Variants in SLC9A4 observed in about 807,000 individuals in gnomAD.
SLC9A4 encodes sodium/hydrogen exchanger 4.
In SLC9A4, 63 loss-of-function variants were observed where a neutral mutation model predicts 67.4. The observed-to-expected ratio is 0.93, with a 90% CI of 0.76 to 1.15. The LOEUF is 1.15. Among genes scored for constraint, SLC9A4 ranks in the 50% most tolerant of loss-of-function variants. SLC9A4 has a pLI of 0.00. For missense variants in SLC9A4, 1,089 were observed against 987.7 expected, an observed-to-expected ratio of 1.10 and a Z score of -1.38; for synonymous variants, 393 against 367.2, an observed-to-expected ratio of 1.07 and a Z score of -0.80.
chr2:102,531,062 C>CTTT lies in SLC9A4; in HGVS notation c.2039-1252_2039-1250dup, dbSNP rs5833023. 2.0e-3 allele frequency among the ~76,000 whole-genome samples: 236 copies of CTTT among 116,250 alleles called. 10 individuals carry two copies. Among genetic ancestry groups the CTTT allele is most frequent in the African/African-American group, 3.2e-3 (96 of 30,012 alleles). 76.3% of individuals were successfully genotyped at this position (116,250 alleles called of 152,430 possible). A position where few individuals can be genotyped will look rare whatever the true frequency, so the allele number is the denominator to read the frequency against. ...GATTTAAATATAAAATACCTAAATT[C>CTTT]TTTTTTTTTTTTTTTTTTGAGACGG... On this transcript the variant is annotated intron_variant, in intron 11 of 11. Transcript: ENST00000295269.
At chr2:102,526,376 T>G in intron 11 of SLC9A4, 30 bp downstream of exon 11, 1 of 1,604,192 alleles carries the variant, frequency 6.2e-7, no homozygotes, top group Non-Finnish European at 8.5e-7. Flanking sequence ...GCTCTGCTGC[T>G]TTTCTGTAGA....
intron 2 of SLC9A4, among the ~76,000 whole-genome samples, chr2:102,498,147 G>GACAC (rs1470535170): frequency 6.6e-6 from 1 of 152,152 alleles, no homozygotes; most frequent in African/African-American, 2.4e-5. Context: ...GTGTATAAAA[G>GACAC]ACACACACAC....
intron 1 of SLC9A4, 140 bp from the exon 2 acceptor site, chr2:102,478,699 A>G (rs1022170656): frequency 6.5e-6 from 5 of 769,008 alleles, no homozygotes; most frequent in Non-Finnish European, 8.2e-6. Flanking sequence ...TGACACTACC[A>G]GTTCCTGCTA....
chr2:102,502,846 G>A (rs1261019680), intron 2 of SLC9A4, among the ~76,000 whole-genome samples: 5 of 152,358 alleles, frequency 3.3e-5, no homozygotes, highest in Middle Eastern at 3.4e-3. Flanking sequence ...GTGGAGCCCT[G>A]GGCCACAGAC....
chr2:102,512,005 C>G (rs1440260646), intron 6 of SLC9A4, among the ~76,000 whole-genome samples, 198 bp from the exon 7 acceptor site: 1 of 152,108 alleles, frequency 6.6e-6, no homozygotes, highest in East Asian at 1.9e-4. Context: ...TCTACAGAGT[C>G]TTTAAACCAA....
intron 1 of SLC9A4, 58 bp from the exon 2 acceptor site, chr2:102,478,781 C>A: frequency 1.3e-6 from 2 of 1,532,564 alleles, no homozygotes; most frequent in Non-Finnish European, 8.9e-7. Context: ...TAAAAGACCT[C>A]AGGTACACCC....
intron 2 of SLC9A4, among the ~76,000 whole-genome samples, chr2:102,494,651 A>G (rs1684769584): frequency 6.6e-6 from 1 of 152,126 alleles, no homozygotes; most frequent in Non-Finnish European, 1.5e-5. Context: ...AAAAAGATAA[A>G]CCAAGCAAAC....
intron 8 of SLC9A4, among the ~76,000 whole-genome samples, chr2:102,516,532 T>G (rs1685281921): frequency 6.6e-6 from 1 of 152,198 alleles, no homozygotes; most frequent in South Asian, 2.1e-4. Flanking sequence ...AATGCACAGG[T>G]ATTTTTTTCT....
intron 4 of SLC9A4, among the ~76,000 whole-genome samples, chr2:102,506,753 C>A (rs999508152): frequency 6.6e-6 from 1 of 151,928 alleles, no homozygotes; most frequent in Non-Finnish European, 1.5e-5. Context: ...GAGCTTTAGC[C>A]GAGCCAAAAA....
At chr2:102,500,647 C>T (rs1684911149) in intron 2 of SLC9A4, among the ~76,000 whole-genome samples, 1 of 152,188 alleles carries the variant, frequency 6.6e-6, no homozygotes, top group Non-Finnish European at 1.5e-5. Flanking sequence ...TTCCCAAGCC[C>T]AGGGCCACTC....
At chr2:102,495,124 T>C (rs1024110261) in intron 2 of SLC9A4, among the ~76,000 whole-genome samples, 1 of 151,972 alleles carries the variant, frequency 6.6e-6, no homozygotes, top group Non-Finnish European at 1.5e-5. Context: ...CTTGTTACCA[T>C]ACAGAGTATA....
intron 2 of SLC9A4, among the ~76,000 whole-genome samples, chr2:102,486,457 C>T (rs1462400594): frequency 6.6e-6 from 1 of 152,198 alleles, no homozygotes; most frequent in Non-Finnish European, 1.5e-5. Context: ...GCAGTCTCAG[C>T]TTTTCCTAAA....
chr2:102,481,777 T>C (rs767796838), intron 2 of SLC9A4, among the ~76,000 whole-genome samples: 9 of 152,222 alleles, frequency 5.9e-5, no homozygotes, highest in Non-Finnish European at 1.2e-4. Flanking sequence ...TGACTCTTTT[T>C]TTGCTCCTGG....
chr2:102,485,677 AATG>A (rs1217908443), intron 2 of SLC9A4, among the ~76,000 whole-genome samples: 5 of 152,176 alleles, frequency 3.3e-5, no homozygotes, highest in Non-Finnish European at 7.3e-5. Flanking sequence ...AAGAGTGAAT[AATG>A]ATGAGGCGGC....
intron 9 of SLC9A4, among the ~76,000 whole-genome samples, chr2:102,524,236 G>A (rs1274824842): frequency 1.3e-5 from 2 of 152,196 alleles, no homozygotes; most frequent in Admixed American, 6.5e-5. Flanking sequence ...CCAGGACTTT[G>A]TGGTTTATCA....
chr2:102,495,275 A>G (rs1684783666), intron 2 of SLC9A4, among the ~76,000 whole-genome samples: 1 of 152,122 alleles, frequency 6.6e-6, no homozygotes, highest in Admixed American at 6.5e-5. Flanking sequence ...AATAACATTA[A>G]AAAGTACTCC....
intron 11 of SLC9A4, among the ~76,000 whole-genome samples, chr2:102,530,230 G>A (rs1255233326): frequency 2.0e-5 from 3 of 152,164 alleles, no homozygotes; most frequent in African/African-American, 4.8e-5. Flanking sequence ...GCCCTGCGCT[G>A]AGCAGAAGCA....
intron 8 of SLC9A4, among the ~76,000 whole-genome samples, chr2:102,516,580 T>C (rs1685282482): frequency 1.3e-5 from 2 of 152,344 alleles, no homozygotes; most frequent in Admixed American, 1.3e-4. Flanking sequence ...AAGGTTTAGA[T>C]TTTCAAATTC....
intron 2 of SLC9A4, among the ~76,000 whole-genome samples, chr2:102,490,688 T>A (rs1684676924): frequency 6.6e-6 from 1 of 152,200 alleles, no homozygotes; most frequent in South Asian, 2.1e-4. Context: ...TGCTTTATGA[T>A]GAGGTGTCAC....
Sources: gnomAD v4.1 joint callset for allele counts (sites outside exome capture counted in the v4.1 genomes callset) on GRCh38, gnomAD v4.1.1 for gene constraint, MANE v1.5 for transcripts, NCBI Gene and HGNC (gene_info 2026-07-23, HGNC 2026-07-21) for gene names.